Variants in TBC1D22A observed in about 807,000 individuals in gnomAD.
TBC1D22A encodes TBC1 domain family member 22A.
Under a neutral mutation model 60.2 loss-of-function variants are expected in TBC1D22A, and 38 were observed. The observed-to-expected ratio is 0.63, with a 90% CI of 0.49 to 0.83. The LOEUF (loss-of-function observed/expected upper bound fraction) is 0.83. Ranked by LOEUF, TBC1D22A falls within the 40% of genes least tolerant of loss-of-function variation. The probability of loss-of-function intolerance (pLI) is 0.00; values close to 1 mark genes in which losing one functional copy is unlikely to be tolerated. For missense variants in TBC1D22A, 628 were observed against 701.0 expected (o/e 0.90, Z 1.18); for synonymous variants, 302 against 281.7 (o/e 1.07, Z -0.72).
At chr22:46,891,123 T>C in intron 5 of TBC1D22A, 143 bp from the exon 6 acceptor site, 1 of 911,440 alleles carries the variant, frequency 1.1e-6, no homozygotes, top group Non-Finnish European at 1.5e-6. Context: ...GTTTCTTTTT[T>C]CCCACAATTT....
At chr22:46,788,204 G>A (rs1414262132) in intron 1 of TBC1D22A, among the ~76,000 whole-genome samples, 2 of 152,082 alleles carry the variant, frequency 1.3e-5, no homozygotes, top group African/African-American at 2.4e-5. Flanking sequence ...CCAAAGTGCT[G>A]GGATTACAGG....
intron 4 of TBC1D22A, among the ~76,000 whole-genome samples, chr22:46,838,187 A>G (rs2086601065): frequency 6.6e-6 from 1 of 152,248 alleles, no homozygotes; most frequent in African/African-American, 2.4e-5. Flanking sequence ...TAAATGAAAT[A>G]GAGAGTAGAA....
At chr22:47,097,126 T>C (rs77681314) in intron 11 of TBC1D22A, among the ~76,000 whole-genome samples, 29 of 152,348 alleles carry the variant, frequency 1.9e-4, no homozygotes, top group Non-Finnish European at 4.0e-4. Flanking sequence ...CCACTGCTCT[T>C]TCTGTCCGGG....
chr22:47,110,609 G>A lies in TBC1D22A; in HGVS notation c.1330-899G>A, dbSNP rs187655327. ...CACACAAACCCCCTTGCTGTTCCTCGTCCCAGTCTTTGCCTTGTTTTCTCC... is the reference window on the plus strand; with the variant it reads ...CACACAAACCCCCTTGCTGTTCCTCATCCCAGTCTTTGCCTTGTTTTCTCC... On this transcript the variant is annotated intron_variant, in intron 11 of 12. Transcript: ENST00000337137. Among the ~76,000 whole-genome samples the A allele has an allele frequency of 1.1e-4, 17 of 152,202 alleles. No individual in the cohort carries two copies. The East Asian group carries it at 2.9e-3, about 26-fold the overall frequency.
At chr22:46,825,239 A>G (rs373930904) in intron 4 of TBC1D22A, among the ~76,000 whole-genome samples, 8 of 152,154 alleles carry the variant, frequency 5.3e-5, no homozygotes, top group African/African-American at 1.9e-4. Flanking sequence ...TCCTTTTGCC[A>G]CCAGGAATTT....
At chr22:46,855,529 T>C (rs991560584) in intron 4 of TBC1D22A, among the ~76,000 whole-genome samples, 5 of 151,106 alleles carry the variant, frequency 3.3e-5, no homozygotes, top group African/African-American at 1.2e-4. Context: ...AGGAAGGGAG[T>C]GATTGTGCCA....
intron 4 of TBC1D22A, among the ~76,000 whole-genome samples, chr22:46,853,609 G>T (rs2087406291): frequency 6.6e-6 from 1 of 152,156 alleles, no homozygotes; most frequent in South Asian, 2.1e-4. Context: ...TTAAAATCTG[G>T]TTTTTACTTA....
At chr22:46,771,561 A>G (rs903332865) in intron 1 of TBC1D22A, among the ~76,000 whole-genome samples, 2 of 150,840 alleles carry the variant, frequency 1.3e-5, no homozygotes, top group Non-Finnish European at 2.9e-5. Flanking sequence ...TGTCATTCTT[A>G]TGACTTTGCA....
At chr22:46,986,885 ATGATGT>A (rs2074745554) in intron 9 of TBC1D22A, among the ~76,000 whole-genome samples, 1 of 152,050 alleles carries the variant, frequency 6.6e-6, no homozygotes, top group African/African-American at 2.4e-5. Context: ...TTTGCGCACC[ATGATGT>A]CTGGAATCTC....
intron 5 of TBC1D22A, among the ~76,000 whole-genome samples, chr22:46,885,971 G>A (rs938222282): frequency 6.0e-5 from 9 of 150,428 alleles, no homozygotes; most frequent in Middle Eastern, 3.4e-3. Flanking sequence ...GCAGTGGTGC[G>A]ATCTTGGCTC....
chr22:47,143,898 G>A (rs2067196199), intron 12 of TBC1D22A, among the ~76,000 whole-genome samples: 1 of 152,230 alleles, frequency 6.6e-6, no homozygotes, highest in Non-Finnish European at 1.5e-5. Flanking sequence ...GAAACACGTG[G>A]AGAGGTGTGC....
chr22:47,010,416 G>A (rs952738804), intron 10 of TBC1D22A, among the ~76,000 whole-genome samples: 13 of 152,170 alleles, frequency 8.5e-5, no homozygotes, highest in African/African-American at 2.7e-4. Context: ...CATCTGAGAC[G>A]TAAGGACATG....
intron 10 of TBC1D22A, among the ~76,000 whole-genome samples, chr22:47,017,735 A>G (rs553936163): frequency 3.3e-4 from 51 of 152,312 alleles, no homozygotes; most frequent in Admixed American, 3.0e-3. Flanking sequence ...GAAAAGTGAA[A>G]AGAACTCATT....
intron 1 of TBC1D22A, chr22:46,763,360 G>C (rs809035): frequency 0.72 from 105,612 of 145,768 alleles, 38,428 homozygotes; most frequent in African/African-American, 0.86. Flanking sequence ...GCTTGCTGGT[G>C]TCAAAACCAC....
intron 11 of TBC1D22A, among the ~76,000 whole-genome samples, chr22:47,065,029 G>T (rs1030539319): frequency 1.1e-4 from 16 of 152,268 alleles, no homozygotes; most frequent in African/African-American, 3.6e-4. Flanking sequence ...TGTCACCCAG[G>T]CTGGAGTGCA....
intron 4 of TBC1D22A, among the ~76,000 whole-genome samples, chr22:46,852,044 T>C (rs960622703): frequency 1.3e-5 from 2 of 152,142 alleles, no homozygotes; most frequent in East Asian, 3.9e-4. Context: ...TCGTGGGCAC[T>C]GTGGTGGGGC....
At chr22:46,937,062 C>T (rs555711100) in intron 8 of TBC1D22A, among the ~76,000 whole-genome samples, 9 of 152,260 alleles carry the variant, frequency 5.9e-5, no homozygotes, top group African/African-American at 1.9e-4. Flanking sequence ...GATTTGCATT[C>T]CGGCACAGGT....
At chr22:46,864,781 C>T (rs2066973583) in intron 4 of TBC1D22A, among the ~76,000 whole-genome samples, 1 of 150,690 alleles carries the variant, frequency 6.6e-6, no homozygotes, top group Non-Finnish European at 1.5e-5. Context: ...GAGGGAGTAC[C>T]GTGGGCAGCT....
chr22:47,087,852 G>C (rs1447793575), intron 11 of TBC1D22A, among the ~76,000 whole-genome samples: 1 of 151,778 alleles, frequency 6.6e-6, no homozygotes, highest in East Asian at 1.9e-4. Context: ...GAGGCGGGCG[G>C]ATCACGAGGT....
Sources: gnomAD v4.1 joint callset for allele counts (sites outside exome capture counted in the v4.1 genomes callset) on GRCh38, gnomAD v4.1.1 for gene constraint, MANE v1.5 for transcripts, NCBI Gene and HGNC (gene_info 2026-07-23, HGNC 2026-07-21) for gene names.